Variants in RARB observed in about 807,000 individuals in gnomAD.
RARB encodes retinoic acid receptor beta.
RARB carries 17 observed loss-of-function variants against 51.9 expected under a neutral mutation model. That is an observed-to-expected ratio of 0.33 (90% CI 0.22 to 0.49). The LOEUF (loss-of-function observed/expected upper bound fraction) is 0.49. RARB is among the 20% of genes least tolerant of loss of function. The pLI, the probability that RARB is intolerant of heterozygous loss-of-function variation, is 0.99. For synonymous variants in RARB, 215 were observed against 195.4 expected, an observed-to-expected ratio of 1.10 and a Z score of -0.84; for missense variants, 369 against 550.8, an observed-to-expected ratio of 0.67 and a Z score of 3.30.
intron 2 of RARB, among the ~76,000 whole-genome samples, chr3:25,491,292 C>T (rs1327263327): frequency 6.6e-6 from 1 of 152,074 alleles, no homozygotes; most frequent in African/African-American, 2.4e-5. Flanking sequence ...CCCCCAAGTC[C>T]CTTTTACACT....
rs569190740 is a variant in RARB at position 25,176,690 on chromosome 3, G to C, written c.178+2115G>C. Among the ~76,000 whole-genome samples the C allele has an allele frequency of 1.4e-3, 206 of 151,992 alleles. 1 individual carries two copies. The highest frequency in any genetic ancestry group is 4.8e-3 in the African/African-American group (198 of 41,458). ...ATTATAGGCGTGAGCCACCGTGCCC[G>C]GTCTTGGCTACTACTGATTTTAAGG... On this transcript the variant is annotated intron_variant, in intron 5 of 11. Transcript: ENST00000383772.
At chr3:25,469,749 C>T (rs1292223861) in intron 2 of RARB, among the ~76,000 whole-genome samples, 2 of 152,140 alleles carry the variant, frequency 1.3e-5, no homozygotes, top group Non-Finnish European at 2.9e-5. Context: ...ATCCCATTGC[C>T]TAAAAAATAC....
intron 5 of RARB, among the ~76,000 whole-genome samples, chr3:25,417,006 T>C (rs1235750925): frequency 6.6e-6 from 1 of 152,122 alleles, no homozygotes; most frequent in Non-Finnish European, 1.5e-5. Flanking sequence ...GATGCATCAG[T>C]AATCAACTTC....
At chr3:25,163,785 G>C (rs1331230257) in intron 4 of RARB, among the ~76,000 whole-genome samples, 28 of 151,920 alleles carry the variant, frequency 1.8e-4, no homozygotes, top group Non-Finnish European at 3.7e-4. Context: ...CCATATTCTG[G>C]AACACCAATT....
At chr3:25,495,403 G>T (rs1696972967) in intron 2 of RARB, among the ~76,000 whole-genome samples, 1 of 152,144 alleles carries the variant, frequency 6.6e-6, no homozygotes, top group Admixed American at 6.5e-5. Flanking sequence ...GGATATTTAG[G>T]TGTAAAAAAG....
chr3:25,461,770 A>T (rs1695198845), intron 2 of RARB, among the ~76,000 whole-genome samples: 1 of 152,072 alleles, frequency 6.6e-6, no homozygotes, highest in Non-Finnish European at 1.5e-5. Flanking sequence ...TGGCTGGTAC[A>T]TCTAGTCCCA....
At chr3:25,384,196 G>T (rs1706720157) in intron 5 of RARB, among the ~76,000 whole-genome samples, 1 of 152,116 alleles carries the variant, frequency 6.6e-6, no homozygotes, top group African/African-American at 2.4e-5. Context: ...CCCCAGTAGA[G>T]CCCCGCCCCA....
chr3:25,417,097 C>G (rs957520427), intron 5 of RARB, among the ~76,000 whole-genome samples: 1 of 151,890 alleles, frequency 6.6e-6, no homozygotes, highest in Non-Finnish European at 1.5e-5. Flanking sequence ...AAGCCTGGAA[C>G]TGAGCCTTTC....
chr3:25,215,093 C>T (rs576250604), intron 5 of RARB, among the ~76,000 whole-genome samples: 5 of 152,222 alleles, frequency 3.3e-5, no homozygotes, highest in Admixed American at 1.3e-4. Context: ...AAAATCCCAG[C>T]CAGTTGTTCT....
intron 5 of RARB, among the ~76,000 whole-genome samples, chr3:25,257,073 A>G (rs1171692066): frequency 6.6e-6 from 1 of 152,162 alleles, no homozygotes; most frequent in Non-Finnish European, 1.5e-5. Flanking sequence ...AGAGTTATGC[A>G]CACATTTAAA....
At chr3:25,084,273 C>G (rs929385352) in intron 3 of RARB, among the ~76,000 whole-genome samples, 2 of 152,182 alleles carry the variant, frequency 1.3e-5, no homozygotes, top group Non-Finnish European at 2.9e-5. Context: ...AGAAACAACT[C>G]TCTCATGTGT....
chr3:24,940,981 A>G (rs962752033), intron 2 of RARB, among the ~76,000 whole-genome samples: 5 of 152,202 alleles, frequency 3.3e-5, no homozygotes, highest in South Asian at 2.1e-4. Flanking sequence ...TTTTAAGAAC[A>G]GGGCCAACCA....
chr3:24,930,639 C>G (rs1695418909), intron 2 of RARB, among the ~76,000 whole-genome samples: 1 of 152,114 alleles, frequency 6.6e-6, no homozygotes, highest in Middle Eastern at 3.4e-3. Context: ...TGCTATGTGC[C>G]CAACACGGTT....
intron 5 of RARB, among the ~76,000 whole-genome samples, chr3:25,343,836 C>G (rs546419576): frequency 6.6e-6 from 1 of 152,004 alleles, no homozygotes; most frequent in African/African-American, 2.4e-5. Flanking sequence ...TGTTTTCGAT[C>G]GTAAGTCTTG....
intron 3 of RARB, among the ~76,000 whole-genome samples, chr3:25,072,861 A>T (rs149404611): frequency 0.011 from 1,656 of 152,030 alleles, 29 homozygotes; most frequent in African/African-American, 0.037. Context: ...GGCACCCGCC[A>T]CCACGCCGGG....
intron 2 of RARB, among the ~76,000 whole-genome samples, chr3:24,867,267 A>C (rs1014869175): frequency 6.6e-6 from 1 of 152,266 alleles, no homozygotes; most frequent in East Asian, 1.9e-4. Context: ...TTATCATTTA[A>C]AACTATAAAC....
In RARB at chr3:24,885,213, G is replaced by A. The variant is rs145534008; in HGVS notation, c.-380+26461G>A. ...CTCCTGGCCTTAAATGTTCAAGTAG[G>A]ATCAAGTATGAGAGAGAGAGATTGA... is the stretch of plus-strand genomic sequence containing the variant. On this transcript the variant is annotated intron_variant, in intron 2 of 11. Transcript: ENST00000383772. Among the ~76,000 whole-genome samples, 105 of 152,210 alleles carry A rather than the reference G, an allele frequency of 6.9e-4. No individual in the cohort carries two copies. The East Asian group carries it at 0.015, about 22-fold the overall frequency.
rs118175724 is a variant in RARB at position 25,367,510 on chromosome 3, A to G, written c.179-93683A>G. Among the ~76,000 whole-genome samples, 68 of 152,132 alleles carry G rather than the reference A, an allele frequency of 4.5e-4. No individual in the cohort carries two copies. The East Asian group carries it at 8.9e-3, about 20-fold the overall frequency. Reference sequence around the variant, plus strand: ...GCTGGTGGGATTGTATCAGTCCCCTATCTCAGCTGAAATGTGGCTGTTCAG... The same window carrying G: ...GCTGGTGGGATTGTATCAGTCCCCTGTCTCAGCTGAAATGTGGCTGTTCAG... On this transcript the variant is annotated intron_variant, in intron 5 of 11. Coordinates refer to the RARB transcript ENST00000383772.
intron 2 of RARB, among the ~76,000 whole-genome samples, chr3:24,929,397 C>T (rs116636917): frequency 1.3e-3 from 190 of 151,992 alleles, no homozygotes; most frequent in Non-Finnish European, 2.4e-3. Flanking sequence ...GAAAAGTGAC[C>T]GATGATATTC....
Sources: allele counts gnomAD v4.1 joint callset (sites outside exome capture counted in the v4.1 genomes callset), GRCh38; gene constraint gnomAD v4.1.1; transcripts MANE v1.5; gene names NCBI Gene and HGNC (gene_info 2026-07-23, HGNC 2026-07-21).